RAB30: variants seen among roughly 807,000 people sequenced by gnomAD.
RAB30 encodes ras-related protein Rab-30.
In RAB30, 9 loss-of-function variants were observed where a neutral mutation model predicts 25.1. That is an observed-to-expected ratio of 0.36 (90% CI 0.22 to 0.63). The LOEUF (loss-of-function observed/expected upper bound fraction) is 0.63, where lower values mean the gene tolerates loss of function less well. RAB30 is among the 20% of genes least tolerant of loss of function. The pLI is 0.69. For synonymous variants in RAB30, 77 were observed against 86.4 expected (o/e 0.89, Z 0.60); for missense variants, 140 against 243.5 (o/e 0.58, Z 2.83).
chr11:83,066,229 A>G (rs1858693124), intron 1 of RAB30, among the ~76,000 whole-genome samples: 1 of 152,250 alleles, frequency 6.6e-6, no homozygotes, highest in Non-Finnish European at 1.5e-5. Flanking sequence ...CTGCAACAAA[A>G]TGAGAAAACC....
At position 83,034,303 on chromosome 11, in the gene RAB30, T is replaced by C. The variant is rs554697033; in HGVS notation, c.-8-36979A>G. 5 of 152,366 alleles carry C rather than the reference T, an allele frequency of 3.3e-5. No individual in the cohort carries two copies. The East Asian group carries it at 9.6e-4, about 29-fold the overall frequency. 9.4% of individuals were successfully genotyped at this position (152,366 alleles called of 1,614,324 possible). On this transcript the variant is annotated intron_variant, in intron 1 of 4. Coordinates refer to ENST00000527633, the MANE Select transcript of RAB30 (RefSeq NM_001286060.2). ...CCAAAAGACAGCCAGAGAATTTTAA[T>C]GAAAACCAGAAAACCCCTGGCTGCT...
chr11:83,026,056 T>C (rs1311808534), intron 1 of RAB30, among the ~76,000 whole-genome samples: 5 of 151,982 alleles, frequency 3.3e-5, no homozygotes, highest in African/African-American at 1.2e-4. Flanking sequence ...CCAGATGTGG[T>C]GGTGTGTACC....
intron 1 of RAB30, among the ~76,000 whole-genome samples, chr11:83,065,176 C>T (rs1858667123): frequency 6.6e-6 from 1 of 151,914 alleles, no homozygotes; most frequent in Non-Finnish European, 1.5e-5. Context: ...CCACTTGAGC[C>T]CAGGAGTTCA....
chr11:82,983,624 A>ACACAC (rs1856683169), intron 4 of RAB30, among the ~76,000 whole-genome samples: 1 of 151,608 alleles, frequency 6.6e-6, no homozygotes, highest in African/African-American at 2.4e-5. Flanking sequence ...TTTTGCAGAG[A>ACACAC]CAGAGTTTCG....
chr11:83,008,096 C>T (rs755520800), intron 1 of RAB30, among the ~76,000 whole-genome samples: 1 of 152,180 alleles, frequency 6.6e-6, no homozygotes, highest in Non-Finnish European at 1.5e-5. Context: ...TTGGCTGGAC[C>T]GGAAGAACCT....
At chr11:82,992,364 G>A (rs1856868217) in intron 3 of RAB30, 3 of 456,034 alleles carry the variant, frequency 6.6e-6, no homozygotes, top group African/African-American at 4.0e-5. Context: ...GCTGTATTTG[G>A]TGTGGATGTC....
At chr11:83,045,856 AGCTG>A (rs1858222757) in intron 1 of RAB30, among the ~76,000 whole-genome samples, 1 of 152,182 alleles carries the variant, frequency 6.6e-6, no homozygotes, top group African/African-American at 2.4e-5. Context: ...TCTAATAATT[AGCTG>A]TGTGACCCAG....
In RAB30 at chr11:83,071,172, A is replaced by G. The variant is rs373501566; in HGVS notation, c.-9+519T>C. ...AAAAGGCGAGACAAACCACATAGAC[A>G]TACACACATAAAATAAAGCCCTACA... On this transcript the variant is annotated intron_variant, in intron 1 of 4. Coordinates refer to ENST00000527633, the MANE Select transcript of RAB30 (RefSeq NM_001286060.2). Among the ~76,000 whole-genome samples, 14 of 152,348 alleles carry G rather than the reference A, an allele frequency of 9.2e-5. No individual in the cohort carries two copies. The East Asian group carries it at 2.7e-3, about 29-fold the overall frequency.
intron 3 of RAB30, among the ~76,000 whole-genome samples, chr11:82,991,319 G>A (rs545792981): frequency 6.6e-6 from 1 of 152,074 alleles, no homozygotes; most frequent in Admixed American, 6.5e-5. Context: ...TGGCAACATA[G>A]TGAGACCCCA....
At chr11:83,006,168 GATT>G (rs1857180732) in intron 1 of RAB30, among the ~76,000 whole-genome samples, 1 of 152,082 alleles carries the variant, frequency 6.6e-6, no homozygotes, top group Non-Finnish European at 1.5e-5. Flanking sequence ...GAGCACTATT[GATT>G]TAAAGCTAAA....
intron 1 of RAB30, among the ~76,000 whole-genome samples, chr11:83,020,966 T>A (rs1422604516): frequency 6.6e-6 from 1 of 151,570 alleles, no homozygotes; most frequent in Admixed American, 6.6e-5. Flanking sequence ...CAGAGAGGAG[T>A]TACCTTCTCT....
intron 1 of RAB30, among the ~76,000 whole-genome samples, chr11:83,016,226 G>A (rs190132434): frequency 1.4e-4 from 22 of 152,236 alleles, no homozygotes; most frequent in African/African-American, 4.6e-4. Flanking sequence ...AGACAAGGAC[G>A]GTCCTGATGA....
intron 1 of RAB30, among the ~76,000 whole-genome samples, chr11:83,009,918 G>T (rs147073066): frequency 9.2e-5 from 14 of 152,248 alleles, no homozygotes; most frequent in African/African-American, 3.4e-4. Flanking sequence ...TGTGCACAAA[G>T]ATTTACCTAT....
intron 3 of RAB30, among the ~76,000 whole-genome samples, chr11:82,991,039 G>A (rs551449251): frequency 2.3e-4 from 35 of 152,284 alleles, no homozygotes; most frequent in African/African-American, 7.9e-4. Flanking sequence ...AGAGGACACT[G>A]ATGAGGGTGT....
At chr11:83,045,711 T>C (rs1858219790) in intron 1 of RAB30, among the ~76,000 whole-genome samples, 1 of 152,236 alleles carries the variant, frequency 6.6e-6, no homozygotes, top group Non-Finnish European at 1.5e-5. Flanking sequence ...CCTATTACAT[T>C]GAGTTACTGT....
intron 1 of RAB30, among the ~76,000 whole-genome samples, chr11:83,052,485 T>C (rs1327375289): frequency 6.6e-6 from 1 of 152,220 alleles, no homozygotes; most frequent in African/African-American, 2.4e-5. Flanking sequence ...TCAACCCATG[T>C]TGGAAGCTAG....
At chr11:83,049,380 C>T (rs1184857600) in intron 1 of RAB30, among the ~76,000 whole-genome samples, 1 of 147,510 alleles carries the variant, frequency 6.8e-6, no homozygotes, top group African/African-American at 2.5e-5. Context: ...CACTGCACTC[C>T]AGCCTGGCAA....
chr11:83,004,149 G>T (rs1404857451), intron 1 of RAB30, among the ~76,000 whole-genome samples: 1 of 151,932 alleles, frequency 6.6e-6, no homozygotes, highest in Non-Finnish European at 1.5e-5. Context: ...TTGCTACTAG[G>T]GCTCCATGAA....
chr11:82,986,980 T>A (rs1279253226), intron 4 of RAB30: 1 of 151,904 alleles, frequency 6.6e-6, no homozygotes, highest in East Asian at 1.9e-4. Context: ...ACTTTTCCAC[T>A]ACAAACAGAG....
Sources: gnomAD v4.1 joint callset for allele counts (sites outside exome capture counted in the v4.1 genomes callset) on GRCh38, gnomAD v4.1.1 for gene constraint, MANE v1.5 for transcripts, NCBI Gene and HGNC (gene_info 2026-07-23, HGNC 2026-07-21) for gene names.